Variants in RTN1 observed in about 807,000 individuals in gnomAD.
RTN1 encodes the protein reticulon-1.
A neutral mutation model predicts 65.5 loss-of-function variants in RTN1; 25 were observed. The ratio of observed to expected loss-of-function variants is 0.38; its 90% CI spans 0.28 to 0.53. The LOEUF is 0.53. RTN1 is among the 20% of genes least tolerant of loss of function. The pLI, the probability that RTN1 is intolerant of heterozygous loss-of-function variation, is 0.79. For missense variants in RTN1, 983 were observed against 1,025.4 expected, an observed-to-expected ratio of 0.96 and a Z score of 0.57; for synonymous variants, 471 against 447.6, an observed-to-expected ratio of 1.05 and a Z score of -0.66.
At chr14:59,854,112 G>A (rs573900086) in intron 1 of RTN1, among the ~76,000 whole-genome samples, 37 of 151,788 alleles carry the variant, frequency 2.4e-4, no homozygotes, top group Admixed American at 1.4e-3. Context: ...CGCCCACCTC[G>A]GCCTCCCAAA....
chr14:59,824,496 A>G (rs1213183675), intron 1 of RTN1, among the ~76,000 whole-genome samples: 1 of 152,196 alleles, frequency 6.6e-6, no homozygotes. Flanking sequence ...ATTGCCCAAA[A>G]AGTGATCTTC....
chr14:59,648,432 C>A (rs372586078), intron 3 of RTN1, among the ~76,000 whole-genome samples: 5 of 152,332 alleles, frequency 3.3e-5, no homozygotes, highest in Non-Finnish European at 7.4e-5. Flanking sequence ...TCCTCCCCAA[C>A]TAATTCTGTG....
Position 59,741,690 on chromosome 14 carries a change from A to C in RTN1, c.1015+4018T>G, listed in dbSNP as rs183535458. Among the ~76,000 whole-genome samples the C allele has an allele frequency of 3.3e-5, 5 of 152,302 alleles. No homozygotes were observed. In the East Asian group the frequency reaches 9.6e-4, roughly 29 times the overall value. On this transcript the variant is annotated intron_variant, in intron 2 of 8. Transcript: ENST00000267484. ...CTTCCCCACGATCTCGGCCCTGCCT[A>C]TCTGTCCAATGGTGTTCTCTGCCCC...
At chr14:59,664,291 G>C (rs4901953) in intron 3 of RTN1, among the ~76,000 whole-genome samples, 46,760 of 151,868 alleles carry the variant, frequency 0.31, 8,919 homozygotes, top group African/African-American at 0.52. Context: ...CACAGGGAGG[G>C]GAACATCACA....
At chr14:59,603,604 C>T (rs931648328) in intron 6 of RTN1, among the ~76,000 whole-genome samples, 3 of 151,596 alleles carry the variant, frequency 2.0e-5, no homozygotes, top group African/African-American at 7.3e-5. Context: ...ATATATATTA[C>T]AAGCCAGAAA....
rs1236254987 is a variant in RTN1, at chr14:59,803,893, C to T, written c.242-57412G>A. 2.0e-5 allele frequency among the ~76,000 whole-genome samples: 3 copies of T among 152,140 alleles called. No homozygotes were observed. The highest frequency in any genetic ancestry group is 7.2e-5 in the African/African-American group (3 of 41,438). On this transcript the variant is annotated intron_variant, in intron 1 of 8. Coordinates refer to ENST00000267484, the MANE Select transcript of RTN1 (RefSeq NM_021136.3). This position sits in a 1 kb window ranked among gnomAD's most constrained non-coding sequence, Gnocchi z 5.6. ...TTTTATTTATTTATTTATGTTTACA[C>T]TTTTAATTTTAGAACAGGTTTGGTT...
At chr14:59,730,163 A>G (rs1210298230) in intron 2 of RTN1, among the ~76,000 whole-genome samples, 1 of 152,178 alleles carries the variant, frequency 6.6e-6, no homozygotes, top group East Asian at 1.9e-4. Flanking sequence ...ATATAACTAC[A>G]TGGTTAGAAA....
intron 1 of RTN1, among the ~76,000 whole-genome samples, chr14:59,869,132 C>T (rs578176270): frequency 9.2e-5 from 14 of 152,192 alleles, no homozygotes; most frequent in African/African-American, 3.4e-4. Context: ...TTTTATTCAA[C>T]GCATTCTCCA....
chr14:59,832,069 CA>C lies in RTN1; in HGVS notation c.241+38320del, dbSNP rs369904190. Among the ~76,000 whole-genome samples the C allele has an allele frequency of 2.6e-3, 403 of 152,210 alleles. 2 individuals carry two copies. The highest frequency in any genetic ancestry group is 9.1e-3 in the African/African-American group (377 of 41,524). On this transcript the variant is annotated intron_variant, in intron 1 of 8. Transcript: ENST00000267484. Reference sequence around the variant, plus strand: ...CAAGGATCTTAAAAGGGTCATTAAACACCTCCCCCAACTCTGAGTTTGGTTA... The same window carrying C: ...CAAGGATCTTAAAAGGGTCATTAAACCCTCCCCCAACTCTGAGTTTGGTTA...
chr14:59,604,335 C>T lies in RTN1; in HGVS notation c.2113-414G>A, dbSNP rs73307637. ...CTTATGGGCACACAGTCAAGCCCTT[C>T]CTTTTTGTACTGTCTTTTTCTGCTT... On this transcript the variant is annotated intron_variant, in intron 5 of 8. Transcript: ENST00000267484. The T allele has an allele frequency of 6.2e-3, 967 of 155,950 alleles. 9 individuals are homozygous for T. The highest frequency in any genetic ancestry group is 0.022 in the African/African-American group (926 of 41,600). The allele number at this position is 155,950 out of a possible 1,614,324, so 9.7% of individuals were successfully genotyped here.
chr14:59,609,322 CCTTTT>C (rs1566659530), intron 3 of RTN1, among the ~76,000 whole-genome samples: 1 of 151,128 alleles, frequency 6.6e-6, no homozygotes, highest in African/African-American at 2.4e-5. Context: ...TTGGCCTAAT[CCTTTT>C]CTTTTTTTTT....
chr14:59,709,368 T>C (rs1033291483), intron 3 of RTN1, among the ~76,000 whole-genome samples: 1 of 152,238 alleles, frequency 6.6e-6, no homozygotes, highest in Non-Finnish European at 1.5e-5. Context: ...CTATGAATAC[T>C]CATTTCAAAT....
chr14:59,673,701 G>C (rs1566681023), intron 3 of RTN1, among the ~76,000 whole-genome samples: 2 of 152,170 alleles, frequency 1.3e-5, no homozygotes, highest in South Asian at 2.1e-4. Flanking sequence ...AACCAACAGA[G>C]AGAGAGGAGG....
intron 3 of RTN1, among the ~76,000 whole-genome samples, chr14:59,614,250 T>C (rs1000711600): frequency 6.6e-6 from 1 of 152,158 alleles, no homozygotes; most frequent in African/African-American, 2.4e-5. Flanking sequence ...ACCCTTAATT[T>C]TGGGGATCTG....
In RTN1 at chr14:59,783,505, T is replaced by C. The variant is rs930897243; in HGVS notation, c.242-37024A>G. ...CAGAAAGAGTAGGTGAGGTCAAAAT[T>C]GTGTGACATGGGATTTGATTCCTCC... On this transcript the variant is annotated intron_variant, in intron 1 of 8. Coordinates refer to ENST00000267484, the MANE Select transcript of RTN1 (RefSeq NM_021136.3). Among the ~76,000 whole-genome samples, 9 of 152,224 alleles carry C rather than the reference T, an allele frequency of 5.9e-5. No homozygotes were observed. The East Asian group carries it at 1.7e-3, about 29-fold the overall frequency.
intron 3 of RTN1, among the ~76,000 whole-genome samples, chr14:59,629,192 T>C (rs1566665935): frequency 6.6e-6 from 1 of 152,266 alleles, no homozygotes; most frequent in Non-Finnish European, 1.5e-5. Flanking sequence ...TCCATCGATT[T>C]ACTTTTGACA....
rs1338830415 is a variant in RTN1, at chr14:59,750,402, TA to T, written c.242-3922del. Among the ~76,000 whole-genome samples, 209 of 66,124 alleles carry T rather than the reference TA, an allele frequency of 3.2e-3. 15 individuals are homozygous for T. Among genetic ancestry groups the T allele is most frequent in the African/African-American group, 0.013 (203 of 16,166 alleles). The allele number at this position is 66,124 out of a possible 152,430, so 43.4% of individuals were successfully genotyped here. ...TATTATATATTATATCTATAATATA[TA>T]TATTATATGTATAATATATAATATA... On this transcript the variant is annotated intron_variant, in intron 1 of 8. Coordinates refer to ENST00000267484, the MANE Select transcript of RTN1 (RefSeq NM_021136.3).
chr14:59,639,225 A>G (rs1882727104), intron 3 of RTN1, among the ~76,000 whole-genome samples: 1 of 152,210 alleles, frequency 6.6e-6, no homozygotes, highest in African/African-American at 2.4e-5. Context: ...CCCCAAAATA[A>G]TTACAACAGT....
Position 59,750,352 on chromosome 14 carries a change from ATTATATCTATATATTATATCTATATATT to A in RTN1, c.242-3899_242-3872del, listed in dbSNP as rs1259832051. On this transcript the variant is annotated intron_variant, in intron 1 of 8. Coordinates refer to ENST00000267484, the MANE Select transcript of RTN1 (RefSeq NM_021136.3). ...ATAATATATTATATCTATAATATAT[ATTATATCTATATATTATATCTATATATT>A]ATATATTATATCTATAATATATATA... Among the ~76,000 whole-genome samples the A allele has an allele frequency of 2.0e-3, 34 of 17,112 alleles. 1 individual carries two copies. Among genetic ancestry groups the A allele is most frequent in the African/African-American group, 2.8e-3 (6 of 2,124 alleles). 11.2% of individuals were successfully genotyped at this position (17,112 alleles called of 152,430 possible). A position where few individuals can be genotyped will look rare whatever the true frequency, so the allele number is the denominator to read the frequency against.
Sources: allele counts gnomAD v4.1 joint callset (sites outside exome capture counted in the v4.1 genomes callset), GRCh38; gene constraint gnomAD v4.1.1; non-coding constraint Gnocchi (gnomAD v3.1); transcripts MANE v1.5; gene names NCBI Gene and HGNC (gene_info 2026-07-23, HGNC 2026-07-21).